Variants in MRM1 observed in about 807,000 individuals in gnomAD.
MRM1 encodes mitochondrial rRNA methyltransferase 1.
A neutral mutation model predicts 25.0 loss-of-function variants in MRM1; 24 were observed. The ratio of observed to expected loss-of-function variants is 0.96; its 90% CI spans 0.69 to 1.35. MRM1 has a LOEUF of 1.35. Among genes scored for constraint, MRM1 ranks in the 40% most tolerant of loss-of-function variants. The pLI is 0.00. For missense variants in MRM1, 431 were observed against 464.1 expected (o/e 0.93, Z 0.65); for synonymous variants, 188 against 199.2 (o/e 0.94, Z 0.47).
chr17:36,618,648 CTGGGAGCGGACAGCCCAGGGCT>C, the MRM1 span, among the ~76,000 whole-genome samples: 1 of 152,152 alleles, frequency 6.6e-6, no homozygotes, highest in African/African-American at 2.4e-5. Context: ...CTGGGTGCCA[CTGGGAGCGGACAGCCCAGGGCT>C]GGAAGCTGCC....
chr17:36,621,050 G>A, the MRM1 span, among the ~76,000 whole-genome samples: 1 of 152,172 alleles, frequency 6.6e-6, no homozygotes, highest in Non-Finnish European at 1.5e-5. Flanking sequence ...CTTCATCTGG[G>A]AGCAAGGGGT....
chr17:36,617,622 C>T, the MRM1 span, among the ~76,000 whole-genome samples: 12 of 152,254 alleles, frequency 7.9e-5, no homozygotes, highest in African/African-American at 2.2e-4. Context: ...TCTCGAACTC[C>T]TGACCTCAAG....
rs1159907203 is a variant in MRM1, at chr17:36,602,332, C to T, written c.522C>T (p.Val174=). ...CACACTTCCTCGGAGTGGATAAGGTCATCACCAGCCGGAGAAACAGGCACG... is the reference window on the plus strand; with the variant it reads ...CACACTTCCTCGGAGTGGATAAGGTTATCACCAGCCGGAGAAACAGGCACG... The part of the protein sequence containing the change: ...RSAHFLGVDK[V]ITSRRNSCPL... The change falls in exon 1 of 5, where the codon GTC becomes GTT. Residue 174 remains valine, a synonymous_variant. Coordinates refer to ENST00000614766, the MANE Select transcript of MRM1 (RefSeq NM_024864.5). This position sits in a 1 kb window ranked among gnomAD's most constrained non-coding sequence, Gnocchi z 4.1. 1 of 1,564,010 alleles carries T rather than the reference C, an allele frequency of 6.4e-7. No individual in the cohort carries two copies. Among genetic ancestry groups the T allele is most frequent in the Non-Finnish European group, 8.7e-7 (1 of 1,152,102 alleles).
Position 36,608,571 on chromosome 17 carries a change from C to T in MRM1, c.*156C>T. On this transcript the variant is annotated 3_prime_UTR_variant, in exon 5 of 5. Transcript: ENST00000614766. ...GGGGGAAGGGGACTGCGGTGGACAC[C>T]AGAGGAAGCTGTTTCCTGTTGTGAT... 2.2e-6 allele frequency: 1 copy of T among 463,250 alleles called. No homozygotes were observed. The highest frequency in any genetic ancestry group is 3.7e-6 in the Non-Finnish European group (1 of 270,058). The allele number at this position is 463,250 out of a possible 1,614,324, so 28.7% of individuals were successfully genotyped here. A position where few individuals can be genotyped will look rare whatever the true frequency, so the allele number is the denominator to read the frequency against.
rs532921579 is a variant in MRM1, at chr17:36,602,545, C to G, written c.543-8C>G. On this transcript the variant is annotated splice_polypyrimidine_tract_variant and splice_region_variant and intron_variant, in intron 1 of 4. Coordinates refer to ENST00000614766, the MANE Select transcript of MRM1 (RefSeq NM_024864.5). The surrounding 1 kb of genome is among the most constrained non-coding windows in gnomAD (Gnocchi z 4.1). ...CAGCCTAATGCGGGGAACGGGGAAA[C>G]CTTGCAGCTGCCCGCTCACTCCAGT... 3.7e-6 allele frequency: 6 copies of G among 1,614,156 alleles called. No individual in the cohort carries two copies. In the African/African-American group the frequency reaches 8.0e-5, roughly 22 times the overall value.
the MRM1 span, among the ~76,000 whole-genome samples, chr17:36,616,372 G>T: frequency 6.6e-6 from 1 of 152,192 alleles, no homozygotes; most frequent in African/African-American, 2.4e-5. Context: ...AGCTGGTCTT[G>T]CTTCTCTGAA....
In MRM1 at chr17:36,606,810, C is replaced by T. The variant is rs188007946; in HGVS notation, c.637-860C>T. Reference sequence around the variant, plus strand: ...GTTTTTAGTAGAGACGGAGTTTCACCATGTTAGCCAGGGTGGTCTCAAACT... The same window carrying T: ...GTTTTTAGTAGAGACGGAGTTTCACTATGTTAGCCAGGGTGGTCTCAAACT... On this transcript the variant is annotated intron_variant, in intron 2 of 4. Transcript: ENST00000614766. Among the ~76,000 whole-genome samples, 711 of 151,972 alleles carry T rather than the reference C, an allele frequency of 4.7e-3. 4 individuals carry two copies. The highest frequency in any genetic ancestry group is 0.016 in the African/African-American group (662 of 41,440).
the MRM1 span, among the ~76,000 whole-genome samples, chr17:36,626,129 C>T: frequency 0.028 from 4,210 of 152,216 alleles, 86 homozygotes; most frequent in South Asian, 0.069. Flanking sequence ...CCCCTCCCCG[C>T]CCCCGGACCC....
the MRM1 span, among the ~76,000 whole-genome samples, chr17:36,618,024 G>A: frequency 6.6e-6 from 1 of 152,168 alleles, no homozygotes. Context: ...TGATATTGAT[G>A]GGCAGAATTG....
the MRM1 span, among the ~76,000 whole-genome samples, chr17:36,614,535 A>G: frequency 1.3e-5 from 2 of 152,016 alleles, no homozygotes; most frequent in Middle Eastern, 3.2e-3. Context: ...CCTCTAATCC[A>G]TAGGTTTTAA....
chr17:36,612,830 C>T (rs894777154), downstream of MRM1, among the ~76,000 whole-genome samples: 17 of 152,202 alleles, frequency 1.1e-4, no homozygotes, highest in African/African-American at 4.1e-4. Context: ...CAGCCCCATG[C>T]CTGGAGGAGC....
At chr17:36,626,652 C>A in the MRM1 span, among the ~76,000 whole-genome samples, 1 of 152,200 alleles carries the variant, frequency 6.6e-6, no homozygotes, top group Non-Finnish European at 1.5e-5. Context: ...TGAGCTACTG[C>A]ACCCAACTGA....
At position 36,608,686 on chromosome 17, in the gene MRM1, C is replaced by T. The variant is rs2074953983; in HGVS notation, c.*271C>T. On this transcript the variant is annotated 3_prime_UTR_variant, in exon 5 of 5. Coordinates refer to ENST00000614766, the MANE Select transcript of MRM1 (RefSeq NM_024864.5). ...GGAGGGAATCTGTTCCCAGGCCCTG[C>T]CTGGAAGTTGAGGGAAAGTTTAGAC... 1 of 385,602 alleles carries T rather than the reference C, an allele frequency of 2.6e-6. No individual in the cohort carries two copies. Among genetic ancestry groups the T allele is most frequent in the Non-Finnish European group, 4.6e-6 (1 of 217,916 alleles). 23.9% of individuals were successfully genotyped at this position (385,602 alleles called of 1,614,324 possible).
chr17:36,626,114 C>T, the MRM1 span, among the ~76,000 whole-genome samples: 3 of 152,234 alleles, frequency 2.0e-5, no homozygotes, highest in Admixed American at 6.5e-5. Context: ...GGATTGGCTG[C>T]GTTTCCCCTC....
the MRM1 span, among the ~76,000 whole-genome samples, chr17:36,630,115 G>T: frequency 6.6e-6 from 1 of 152,198 alleles, no homozygotes; most frequent in Non-Finnish European, 1.5e-5. Flanking sequence ...AACCTTGAAT[G>T]AGATCATGCA....
chr17:36,628,960 G>C, the MRM1 span, among the ~76,000 whole-genome samples: 3 of 152,226 alleles, frequency 2.0e-5, no homozygotes, highest in African/African-American at 7.2e-5. Flanking sequence ...GAGAGAAAGA[G>C]AGAGAGAGAG....
At chr17:36,620,093 A>G in the MRM1 span, among the ~76,000 whole-genome samples, 1 of 152,156 alleles carries the variant, frequency 6.6e-6, no homozygotes, top group Admixed American at 6.5e-5. Context: ...TATTCTGAAT[A>G]TTAACCTCTT....
At chr17:36,607,613 C>T in intron 2 of MRM1, 57 bp from the exon 3 acceptor site, 1 of 1,556,318 alleles carries the variant, frequency 6.4e-7, no homozygotes, top group Non-Finnish European at 8.7e-7. Flanking sequence ...AGAGTAAGAC[C>T]CTATCTCAAA....
chr17:36,626,840 G>A, the MRM1 span, among the ~76,000 whole-genome samples: 11 of 152,256 alleles, frequency 7.2e-5, no homozygotes, highest in East Asian at 1.9e-4. Context: ...TCTGACTGCC[G>A]GGTGAGTGTG....
Sources: allele counts gnomAD v4.1 joint callset (sites outside exome capture counted in the v4.1 genomes callset), GRCh38; gene constraint gnomAD v4.1.1; non-coding constraint Gnocchi (gnomAD v3.1); transcripts MANE v1.5; gene names NCBI Gene and HGNC (gene_info 2026-07-23, HGNC 2026-07-21).